The following GRM8 variants were observed in gnomAD, a reference collection of about 807,000 sequenced individuals.
GRM8 encodes the protein glutamate metabotropic receptor 8, also known as metabotropic glutamate receptor 8.
A neutral mutation model predicts 87.2 loss-of-function variants in GRM8; 47 were observed. The ratio of observed to expected loss-of-function variants is 0.54; its 90% confidence interval spans 0.43 to 0.69. The LOEUF is 0.69. Ranked by LOEUF, GRM8 falls within the 30% of genes least tolerant of loss-of-function variation. The pLI, the probability that GRM8 is intolerant of heterozygous loss-of-function variation, is 0.00. For synonymous variants in GRM8, 396 were observed against 404.5 expected, an observed-to-expected ratio of 0.98 and a Z score of 0.25; for missense variants, 1,019 against 1,139.2, an observed-to-expected ratio of 0.89 and a Z score of 1.52.
intron 8 of GRM8, among the ~76,000 whole-genome samples, chr7:126,561,408 G>A (rs1793678349): frequency 1.3e-5 from 2 of 151,824 alleles, no homozygotes; most frequent in African/African-American, 4.8e-5. Context: ...GGCGGAGGTT[G>A]CAGTGAGTCA....
chr7:126,817,641 C>A (rs1468996535), intron 6 of GRM8, among the ~76,000 whole-genome samples: 1 of 152,076 alleles, frequency 6.6e-6, no homozygotes. Context: ...TATCATTTAT[C>A]ATCCTCTAAA....
intron 6 of GRM8, among the ~76,000 whole-genome samples, chr7:126,793,342 G>A (rs969389351): frequency 1.3e-5 from 2 of 152,104 alleles, no homozygotes; most frequent in Non-Finnish European, 2.9e-5. Flanking sequence ...AGGGCACTGC[G>A]GTCAGAAGGT....
chr7:127,033,497 T>A lies in GRM8; in HGVS notation c.727+72999A>T, dbSNP rs942996719. On this transcript the variant is annotated intron_variant, in intron 3 of 10. Transcript: ENST00000339582. ...CATGAACTGATCAGCTCATTTTACCTGTACCACTTCATTTAAACCTTACAA... is the reference window on the plus strand; with the variant it reads ...CATGAACTGATCAGCTCATTTTACCAGTACCACTTCATTTAAACCTTACAA... Among the ~76,000 whole-genome samples, 10 of 152,134 alleles carry A rather than the reference T, an allele frequency of 6.6e-5. 1 individual carries two copies. Among genetic ancestry groups the A allele is most frequent in the Non-Finnish European group, 1.5e-4 (10 of 68,006 alleles).
intron 7 of GRM8, among the ~76,000 whole-genome samples, chr7:126,761,787 T>G (rs1817610531): frequency 1.3e-5 from 2 of 152,322 alleles, no homozygotes; most frequent in East Asian, 3.9e-4. Context: ...TGCTCTTCCC[T>G]GTCTTCAAGC....
chr7:126,703,668 T>C (rs539667880), intron 7 of GRM8, among the ~76,000 whole-genome samples: 1 of 152,254 alleles, frequency 6.6e-6, no homozygotes, highest in African/African-American at 2.4e-5. Context: ...TGAGCGACCC[T>C]CTTGCCTCAA....
chr7:127,159,056 T>G (rs1437259049), intron 2 of GRM8, among the ~76,000 whole-genome samples: 1 of 152,162 alleles, frequency 6.6e-6, no homozygotes, highest in Non-Finnish European at 1.5e-5. Flanking sequence ...CATTCCTCCT[T>G]GCATTCAGGT....
At chr7:126,876,920 T>A (rs1799567905) in intron 6 of GRM8, among the ~76,000 whole-genome samples, 1 of 146,682 alleles carries the variant, frequency 6.8e-6, no homozygotes, top group African/African-American at 2.5e-5. Flanking sequence ...CCTATAACTC[T>A]AGGAATACAA....
At chr7:126,968,787 A>G (rs1386941448) in intron 3 of GRM8, among the ~76,000 whole-genome samples, 2 of 152,172 alleles carry the variant, frequency 1.3e-5, no homozygotes, top group Non-Finnish European at 2.9e-5. Context: ...ATGGCAGGAT[A>G]TGGATGGTTG....
chr7:126,712,372 C>T (rs1057354812), intron 7 of GRM8, among the ~76,000 whole-genome samples: 1 of 152,078 alleles, frequency 6.6e-6, no homozygotes, highest in Non-Finnish European at 1.5e-5. Context: ...TCACTGATCA[C>T]AGGTCACCAT....
chr7:126,762,820 A>G (rs1165100056), intron 7 of GRM8, among the ~76,000 whole-genome samples: 1 of 151,910 alleles, frequency 6.6e-6, no homozygotes, highest in Non-Finnish European at 1.5e-5. Context: ...GAAATAAGAA[A>G]ATAAGAATTT....
chr7:127,167,944 G>A (rs1563554231), intron 2 of GRM8, among the ~76,000 whole-genome samples: 1 of 152,092 alleles, frequency 6.6e-6, no homozygotes, highest in Admixed American at 6.5e-5. Flanking sequence ...TAGGACATAG[G>A]CATGGGCAAA....
intron 3 of GRM8, among the ~76,000 whole-genome samples, chr7:126,940,539 C>A (rs966709286): frequency 2.6e-5 from 4 of 152,176 alleles, no homozygotes; most frequent in Non-Finnish European, 4.4e-5. Flanking sequence ...CCAACTCACA[C>A]TGCTCAGCAG....
At position 126,949,935 on chromosome 7, in the gene GRM8, C is replaced by A. The variant is rs763646100; in HGVS notation, c.728-45252G>T. Among the ~76,000 whole-genome samples, 5 of 152,242 alleles carry A rather than the reference C, an allele frequency of 3.3e-5. No homozygotes were observed. In the South Asian group the frequency reaches 8.3e-4, roughly 25 times the overall value. ...TTTAAAACTGCAGCCTTAGAGGAAG[C>A]CTGTAGGCTTCTGTCGAGTATTTTA... On this transcript the variant is annotated intron_variant, in intron 3 of 10. Transcript: ENST00000339582.
intron 3 of GRM8, among the ~76,000 whole-genome samples, chr7:126,907,958 C>A (rs1403946250): frequency 1.3e-5 from 2 of 152,082 alleles, no homozygotes; most frequent in East Asian, 3.9e-4. Context: ...AATGGGAAAC[C>A]GCTAAGTATG....
chr7:127,190,824 C>T (rs757404028), intron 2 of GRM8, among the ~76,000 whole-genome samples: 10 of 151,938 alleles, frequency 6.6e-5, no homozygotes, highest in Non-Finnish European at 1.3e-4. Flanking sequence ...TTCTTATTGT[C>T]ATTATAATTA....
At chr7:126,572,535 C>A (rs1794771467) in intron 8 of GRM8, among the ~76,000 whole-genome samples, 1 of 151,960 alleles carries the variant, frequency 6.6e-6, no homozygotes, top group South Asian at 2.1e-4. Context: ...CTAAAAATAA[C>A]AAAGTAATAC....
rs10231127 is a variant in GRM8 at position 126,902,753 on chromosome 7, T to C, written c.1019-74A>G. 2.0e-3 allele frequency: 2,074 copies of C among 1,058,504 alleles called. 27 individuals carry two copies. In the African/African-American group the frequency reaches 0.03, roughly 15 times the overall value. 65.6% of individuals were successfully genotyped at this position (1,058,504 alleles called of 1,614,324 possible). On this transcript the variant is annotated intron_variant, in intron 5 of 10. Transcript: ENST00000339582. ...TATTGTCAGAACTTTCGAATGGACA[T>C]TATATTCTGATCACTGCATGAAAAG... is the stretch of plus-strand genomic sequence containing the variant.
At position 126,972,633 on chromosome 7, in the gene GRM8, CA is replaced by C. The variant is rs1404641313; in HGVS notation, c.728-67951del. On this transcript the variant is annotated intron_variant, in intron 3 of 10. Coordinates refer to ENST00000339582, the MANE Select transcript of GRM8 (RefSeq NM_000845.3). ...ACCAATCTATCAAACCAGGATAATA[CA>C]AGGAAGGATATTGTCAGTTCATCCT... Among the ~76,000 whole-genome samples, 19 of 152,144 alleles carry C rather than the reference CA, an allele frequency of 1.2e-4. No individual in the cohort carries two copies. In the South Asian group the frequency reaches 3.9e-3, roughly 32 times the overall value.
intron 9 of GRM8, among the ~76,000 whole-genome samples, chr7:126,479,046 T>C (rs978501399): frequency 1.3e-5 from 2 of 152,104 alleles, no homozygotes; most frequent in African/African-American, 2.4e-5. Flanking sequence ...AATCATGATA[T>C]TAACTTTCTT....
Sources: gnomAD v4.1 joint callset for allele counts (sites outside exome capture counted in the v4.1 genomes callset) on GRCh38, gnomAD v4.1.1 for gene constraint, MANE v1.5 for transcripts, NCBI Gene and HGNC (gene_info 2026-07-23, HGNC 2026-07-21) for gene names.